The following ST8SIA1 variants were observed in gnomAD, a reference collection of about 807,000 sequenced individuals.
ST8SIA1 encodes ST8 alpha-N-acetyl-neuraminide alpha-2,8-sialyltransferase 1.
ST8SIA1 carries 16 observed loss-of-function variants against 35.9 expected under a neutral mutation model. That is an observed-to-expected ratio of 0.45 (90% CI 0.30 to 0.68). The LOEUF is 0.68. Ranked by LOEUF, ST8SIA1 falls within the 30% of genes least tolerant of loss-of-function variation. The pLI, the probability that ST8SIA1 is intolerant of heterozygous loss-of-function variation, is 0.09. For missense variants in ST8SIA1, 383 were observed against 453.6 expected (o/e 0.84, Z 1.41); for synonymous variants, 170 against 169.6 (o/e 1.00, Z -0.02).
intron 1 of ST8SIA1, among the ~76,000 whole-genome samples, chr12:22,303,885 C>A (rs1443790654): frequency 3.3e-5 from 5 of 149,620 alleles, no homozygotes; most frequent in African/African-American, 1.2e-4. Flanking sequence ...CACACACACA[C>A]ACAAAAGTGG....
chr12:22,214,376 T>C (rs983917542), intron 4 of ST8SIA1, among the ~76,000 whole-genome samples: 5 of 152,150 alleles, frequency 3.3e-5, no homozygotes, highest in Non-Finnish European at 1.5e-5. Flanking sequence ...ATGAAATTGA[T>C]TTCATAGTAG....
At position 22,200,592 on chromosome 12, in the gene ST8SIA1, A is replaced by C. The variant is rs1220027179; in HGVS notation, c.*960T>G. On this transcript the variant is annotated 3_prime_UTR_variant, in exon 5 of 5. Coordinates refer to ENST00000396037, the MANE Select transcript of ST8SIA1 (RefSeq NM_003034.4). ...ATACATGTCCTTTACCTTGCAGTGAATATGCCACAGTAGATAGAAAAGGGA... is the reference window on the plus strand; with the variant it reads ...ATACATGTCCTTTACCTTGCAGTGACTATGCCACAGTAGATAGAAAAGGGA... The C allele has an allele frequency of 1.3e-5, 2 of 152,208 alleles. No homozygotes were observed. Among genetic ancestry groups the C allele is most frequent in the Non-Finnish European group, 2.9e-5 (2 of 68,040 alleles). 9.4% of individuals were successfully genotyped at this position (152,208 alleles called of 1,614,324 possible). A position where few individuals can be genotyped will look rare whatever the true frequency, so the allele number is the denominator to read the frequency against.
chr12:22,312,764 C>A (rs17704613), intron 1 of ST8SIA1, among the ~76,000 whole-genome samples: 49,664 of 150,704 alleles, frequency 0.33, 8,909 homozygotes, highest in Middle Eastern at 0.53. Flanking sequence ...TATTTAAATT[C>A]CTAAAAGCAT....
chr12:22,276,673 A>G (rs1420842114), intron 2 of ST8SIA1, among the ~76,000 whole-genome samples: 1 of 152,116 alleles, frequency 6.6e-6, no homozygotes, highest in Non-Finnish European at 1.5e-5. Context: ...GAAAGCACTG[A>G]TTCTCAGTTG....
intron 1 of ST8SIA1, among the ~76,000 whole-genome samples, chr12:22,318,667 C>T (rs949522626): frequency 1.3e-5 from 2 of 152,170 alleles, no homozygotes; most frequent in Admixed American, 6.5e-5. Flanking sequence ...TTTATTTGTA[C>T]GGCTCTTGAG....
intron 2 of ST8SIA1, among the ~76,000 whole-genome samples, chr12:22,263,877 C>T (rs1158947745): frequency 3.3e-5 from 5 of 152,180 alleles, no homozygotes; most frequent in African/African-American, 1.2e-4. Context: ...GTTTGCTTTG[C>T]AAGCCTTCAG....
chr12:22,287,380 C>T (rs1008231423), intron 1 of ST8SIA1, 87 bp from the exon 2 acceptor site: 40 of 1,394,128 alleles, frequency 2.9e-5, no homozygotes, highest in African/African-American at 1.0e-4. Context: ...AGAGATGTGC[C>T]ACCTTACCTC....
intron 2 of ST8SIA1, among the ~76,000 whole-genome samples, chr12:22,270,494 GTTTA>G (rs989734448): frequency 3.9e-5 from 6 of 152,108 alleles, no homozygotes; most frequent in African/African-American, 7.2e-5. Flanking sequence ...GCGGAATTGA[GTTTA>G]TTTATTTAAA....
At chr12:22,223,780 A>G in intron 4 of ST8SIA1, 1 of 1,258,760 alleles carries the variant, frequency 7.9e-7, no homozygotes, top group Non-Finnish European at 1.0e-6. Context: ...ATCCCTTTAA[A>G]TAAACCCATT....
intron 3 of ST8SIA1, among the ~76,000 whole-genome samples, chr12:22,253,732 C>T (rs181636464): frequency 5.9e-5 from 9 of 152,056 alleles, no homozygotes; most frequent in East Asian, 5.8e-4. Context: ...TGTTTGTTCA[C>T]GTTGAAAAGA....
intron 4 of ST8SIA1, among the ~76,000 whole-genome samples, chr12:22,227,475 G>C (rs1412162695): frequency 6.6e-6 from 1 of 152,024 alleles, no homozygotes; most frequent in African/African-American, 2.4e-5. Flanking sequence ...TCGGGAGGCT[G>C]AGGCAGGAGA....
rs1866783525 is a variant in ST8SIA1, at chr12:22,332,708, GCT to G, written c.236+1287_236+1288del. On this transcript the variant is annotated intron_variant, in intron 1 of 4. Coordinates refer to ENST00000396037, the MANE Select transcript of ST8SIA1 (RefSeq NM_003034.4). Reference sequence around the variant, plus strand: ...CAGTTGCCTTCCTCTAAACAAATTGGCTCTGTTATCTTTTTAATCCTCTTTCC... The same window carrying G: ...CAGTTGCCTTCCTCTAAACAAATTGGCTGTTATCTTTTTAATCCTCTTTCC... Among the ~76,000 whole-genome samples the G allele has an allele frequency of 2.0e-5, 3 of 152,178 alleles. No homozygotes were observed. The South Asian group carries it at 6.2e-4, about 32-fold the overall frequency.
At chr12:22,304,775 G>C (rs1167646376) in intron 1 of ST8SIA1, among the ~76,000 whole-genome samples, 1 of 152,196 alleles carries the variant, frequency 6.6e-6, no homozygotes, top group African/African-American at 2.4e-5. Context: ...GGAGACCCAG[G>C]ATTCAATGTG....
intron 4 of ST8SIA1, among the ~76,000 whole-genome samples, chr12:22,231,271 A>G (rs1387141715): frequency 6.6e-6 from 1 of 151,698 alleles, no homozygotes; most frequent in East Asian, 1.9e-4. Context: ...CCTGCTGGAA[A>G]TGCTGACTTG....
intron 2 of ST8SIA1, among the ~76,000 whole-genome samples, chr12:22,268,992 T>A (rs1453899989): frequency 6.6e-6 from 1 of 152,232 alleles, no homozygotes; most frequent in Non-Finnish European, 1.5e-5. Context: ...CAAATGATTT[T>A]TTTTTAAAGT....
chr12:22,298,533 G>A (rs1381928903), intron 1 of ST8SIA1, among the ~76,000 whole-genome samples: 1 of 152,230 alleles, frequency 6.6e-6, no homozygotes, highest in African/African-American at 2.4e-5. Flanking sequence ...GTTGAGTGGA[G>A]TTTGTGCATG....
intron 4 of ST8SIA1, among the ~76,000 whole-genome samples, chr12:22,224,083 G>T (rs1397055235): frequency 6.6e-6 from 1 of 152,062 alleles, no homozygotes; most frequent in African/African-American, 2.4e-5. Context: ...ATATACAGCA[G>T]CATTGTTATC....
intron 4 of ST8SIA1, among the ~76,000 whole-genome samples, chr12:22,209,658 A>G (rs1342019521): frequency 1.3e-5 from 2 of 152,180 alleles, no homozygotes; most frequent in Non-Finnish European, 2.9e-5. Flanking sequence ...GGCACCATCC[A>G]TCACTTCTTT....
At chr12:22,278,060 T>C (rs1270756679) in intron 2 of ST8SIA1, among the ~76,000 whole-genome samples, 1 of 152,198 alleles carries the variant, frequency 6.6e-6, no homozygotes, top group Non-Finnish European at 1.5e-5. Flanking sequence ...AAGTACTTCA[T>C]GAATGAGTGG....
Sources: allele counts gnomAD v4.1 joint callset (sites outside exome capture counted in the v4.1 genomes callset), GRCh38; gene constraint gnomAD v4.1.1; transcripts MANE v1.5; gene names NCBI Gene and HGNC (gene_info 2026-07-23, HGNC 2026-07-21).